STX18: variants seen among roughly 807,000 people sequenced by gnomAD.
STX18 encodes the protein syntaxin-18.
In STX18, 40 loss-of-function variants were observed where a neutral mutation model predicts 50.1. That is an observed-to-expected ratio of 0.80 (90% CI 0.62 to 1.04). The LOEUF (loss-of-function observed/expected upper bound fraction) is 1.04, where lower values mean the gene tolerates loss of function less well. STX18 is among the 50% of genes least tolerant of loss of function. The pLI, the probability that STX18 is intolerant of heterozygous loss-of-function variation, is 0.00. For missense variants in STX18, 410 were observed against 415.8 expected (o/e 0.99, Z 0.12); for synonymous variants, 158 against 151.8 (o/e 1.04, Z -0.30).
At chr4:4,436,810 A>G (rs1321273451) in intron 6 of STX18, among the ~76,000 whole-genome samples, 4 of 152,172 alleles carry the variant, frequency 2.6e-5, no homozygotes, top group Admixed American at 6.5e-5. Context: ...GATGGGCTTC[A>G]CTGATCCCCA....
intron 1 of STX18, chr4:4,499,440 G>A: frequency 4.3e-6 from 4 of 931,452 alleles, no homozygotes; most frequent in Non-Finnish European, 5.1e-6. Context: ...ACCATACTGT[G>A]CTCTGGAAAA....
At chr4:4,468,209 A>C (rs1727719084) in intron 2 of STX18, among the ~76,000 whole-genome samples, 1 of 152,172 alleles carries the variant, frequency 6.6e-6, no homozygotes, top group South Asian at 2.1e-4. Flanking sequence ...TTAGTCTTAG[A>C]ATACAGCCTT....
At chr4:4,446,070 A>G (rs1371241249) in intron 5 of STX18, among the ~76,000 whole-genome samples, 4 of 152,190 alleles carry the variant, frequency 2.6e-5, no homozygotes, top group Non-Finnish European at 5.9e-5. Flanking sequence ...GGTCAATTCA[A>G]TGAGAAAAAG....
At chr4:4,423,492 C>T (rs760268078) in intron 9 of STX18, 26 bp downstream of exon 9, 13 of 1,609,648 alleles carry the variant, frequency 8.1e-6, no homozygotes, top group Non-Finnish European at 9.4e-6. Flanking sequence ...TGAAAACATA[C>T]AGCTCCTTTG....
At chr4:4,479,598 C>T (rs150127697) in intron 1 of STX18, among the ~76,000 whole-genome samples, 2 of 152,244 alleles carry the variant, frequency 1.3e-5, no homozygotes, top group Non-Finnish European at 2.9e-5. Context: ...TCTAAAACTA[C>T]AGGCATTCAT....
chr4:4,516,492 A>G (rs183661683), intron 1 of STX18, among the ~76,000 whole-genome samples: 1 of 152,184 alleles, frequency 6.6e-6, no homozygotes, highest in Non-Finnish European at 1.5e-5. Context: ...CTCTTTTCCG[A>G]CAGGAATTGG....
intron 9 of STX18, among the ~76,000 whole-genome samples, chr4:4,421,518 G>A (rs1348492034): frequency 1.3e-5 from 2 of 152,198 alleles, no homozygotes; most frequent in Non-Finnish European, 2.9e-5. Flanking sequence ...GCCTCCCAGA[G>A]TGCTGGGATT....
At chr4:4,493,377 C>A (rs1041570165) in intron 1 of STX18, among the ~76,000 whole-genome samples, 2 of 147,868 alleles carry the variant, frequency 1.4e-5, no homozygotes, top group Admixed American at 6.9e-5. Context: ...TCGTGGTACA[C>A]GTAATGAGTT....
chr4:4,436,333 A>G (rs1725773402), intron 6 of STX18, among the ~76,000 whole-genome samples: 1 of 152,200 alleles, frequency 6.6e-6, no homozygotes, highest in South Asian at 2.1e-4. Context: ...GGCTAAAAGT[A>G]TCTTTAGAAA....
rs114675832 is a variant in STX18 at position 4,455,789 on chromosome 4, C to T, written c.497+1402G>A. ...ATAGGTCACATGCTGTGTGACTCCA[C>T]TGGGAGAGTACTCTTAGAAGCTCAT... On this transcript the variant is annotated intron_variant, in intron 5 of 10. Transcript: ENST00000306200. Among the ~76,000 whole-genome samples the T allele has an allele frequency of 3.7e-3, 567 of 152,316 alleles. 5 individuals carry two copies. Among genetic ancestry groups the T allele is most frequent in the African/African-American group, 0.013 (531 of 41,558 alleles).
chr4:4,484,160 C>T (rs1728601128), intron 1 of STX18, among the ~76,000 whole-genome samples: 1 of 152,206 alleles, frequency 6.6e-6, no homozygotes, highest in Non-Finnish European at 1.5e-5. Flanking sequence ...CCGTGCCCGG[C>T]CCCTTCCTCT....
chr4:4,518,142 T>C (rs1415049324), intron 1 of STX18, among the ~76,000 whole-genome samples: 1 of 152,216 alleles, frequency 6.6e-6, no homozygotes, highest in Non-Finnish European at 1.5e-5. Flanking sequence ...CTTTAAAACT[T>C]AAATCTATTA....
intron 1 of STX18, among the ~76,000 whole-genome samples, chr4:4,504,512 G>C (rs1048079187): frequency 6.6e-6 from 1 of 152,252 alleles, no homozygotes; most frequent in Non-Finnish European, 1.5e-5. Flanking sequence ...TTTACTTTCA[G>C]AGAAGGAAAA....
chr4:4,429,738 T>TC (rs1171358062), intron 7 of STX18, among the ~76,000 whole-genome samples: 1 of 152,178 alleles, frequency 6.6e-6, no homozygotes, highest in East Asian at 1.9e-4. Flanking sequence ...ACCTGGAACC[T>TC]CCCCAGGGTC....
chr4:4,494,401 C>T (rs533484666), intron 1 of STX18, among the ~76,000 whole-genome samples: 6 of 152,092 alleles, frequency 3.9e-5, no homozygotes, highest in Non-Finnish European at 7.4e-5. Flanking sequence ...AGCATACTTT[C>T]AAGTGATTTT....
At chr4:4,438,000 G>A (rs1725880565) in intron 6 of STX18, among the ~76,000 whole-genome samples, 1 of 152,240 alleles carries the variant, frequency 6.6e-6, no homozygotes, top group Admixed American at 6.5e-5. Context: ...GGCTGTGCAA[G>A]GCTGCTGAGG....
In STX18 at chr4:4,506,067, T is replaced by G. The variant is rs138658222; in HGVS notation, c.169-34361A>C. On this transcript the variant is annotated intron_variant, in intron 1 of 10. Coordinates refer to ENST00000306200, the MANE Select transcript of STX18 (RefSeq NM_016930.4). Reference sequence around the variant, plus strand: ...ACATTTTATTTATCCATTCATCAGTTGATGAATACTCAGATTGTTTTCACT... The same window carrying G: ...ACATTTTATTTATCCATTCATCAGTGGATGAATACTCAGATTGTTTTCACT... Among the ~76,000 whole-genome samples the G allele has an allele frequency of 4.8e-3, 724 of 152,354 alleles. 4 individuals are homozygous for G. Among genetic ancestry groups the G allele is most frequent in the Non-Finnish European group, 7.4e-3 (506 of 68,030 alleles).
chr4:4,425,338 G>T, intron 7 of STX18, 116 bp from the exon 8 acceptor site: 1 of 896,318 alleles, frequency 1.1e-6, no homozygotes, highest in Non-Finnish European at 1.8e-6. Flanking sequence ...TCCAGCTGCG[G>T]CAACGTGGCA....
chr4:4,452,711 C>A (rs1726823686), intron 5 of STX18, among the ~76,000 whole-genome samples: 1 of 152,184 alleles, frequency 6.6e-6, no homozygotes. Flanking sequence ...AACCAAAAAA[C>A]CTCACATTTC....
Sources: allele counts gnomAD v4.1 joint callset (sites outside exome capture counted in the v4.1 genomes callset), GRCh38; gene constraint gnomAD v4.1.1; transcripts MANE v1.5; gene names NCBI Gene and HGNC (gene_info 2026-07-23, HGNC 2026-07-21).